The following RSPO2 variants were observed in gnomAD, a reference collection of about 807,000 sequenced individuals.
RSPO2 encodes R-spondin-2.
In RSPO2, 14 loss-of-function variants were observed where a neutral mutation model predicts 30.9. The observed-to-expected ratio is 0.45, with a 90% CI of 0.30 to 0.71. The LOEUF (loss-of-function observed/expected upper bound fraction) is 0.71. Ranked by LOEUF, RSPO2 falls within the 30% of genes least tolerant of loss-of-function variation. The probability of loss-of-function intolerance (pLI) is 0.08; values close to 1 mark genes in which losing one functional copy is unlikely to be tolerated. For missense variants in RSPO2, 264 were observed against 301.9 expected (o/e 0.87, Z 0.93); for synonymous variants, 107 against 96.4 (o/e 1.11, Z -0.64).
At chr8:107,965,701 G>A (rs1032906139) in intron 3 of RSPO2, among the ~76,000 whole-genome samples, 29 of 152,056 alleles carry the variant, frequency 1.9e-4, no homozygotes, top group African/African-American at 6.8e-4. Context: ...ACATGGTGGA[G>A]TTTTAATGCT....
At chr8:107,915,592 G>A (rs1292405907) in intron 5 of RSPO2, among the ~76,000 whole-genome samples, 2 of 151,578 alleles carry the variant, frequency 1.3e-5, no homozygotes, top group South Asian at 2.1e-4. Flanking sequence ...TATCCTTCTC[G>A]TCTTTGTGTG....
chr8:107,951,697 C>A (rs1456734083), intron 5 of RSPO2, among the ~76,000 whole-genome samples: 1 of 152,094 alleles, frequency 6.6e-6, no homozygotes, highest in Admixed American at 6.6e-5. Flanking sequence ...TAGAGAACAG[C>A]ACAAAGGTGT....
chr8:107,942,923 A>C (rs1023665119), intron 5 of RSPO2, among the ~76,000 whole-genome samples: 1 of 152,216 alleles, frequency 6.6e-6, no homozygotes, highest in African/African-American at 2.4e-5. Context: ...CAAATGCACT[A>C]ATTTTCTCAA....
chr8:107,982,285 ACTC>A (rs1245469314), intron 3 of RSPO2, among the ~76,000 whole-genome samples: 5 of 151,882 alleles, frequency 3.3e-5, no homozygotes, highest in African/African-American at 1.2e-4. Context: ...AAAAAAGTTT[ACTC>A]CTCCTTTTTC....
At chr8:108,070,428 G>C (rs1812808834) in intron 2 of RSPO2, among the ~76,000 whole-genome samples, 1 of 151,752 alleles carries the variant, frequency 6.6e-6, no homozygotes, top group African/African-American at 2.4e-5. Context: ...GAGTAGCTGG[G>C]ACTACAGGTG....
At chr8:108,060,020 A>T (rs59588081) in intron 2 of RSPO2, among the ~76,000 whole-genome samples, 7,953 of 144,250 alleles carry the variant, frequency 0.055, 790 homozygotes, top group African/African-American at 0.2. Context: ...AAATAAAATT[A>T]AAAAAAAAGA....
At chr8:108,070,580 T>C (rs1812815983) in intron 2 of RSPO2, among the ~76,000 whole-genome samples, 1 of 152,170 alleles carries the variant, frequency 6.6e-6, no homozygotes, top group Non-Finnish European at 1.5e-5. Flanking sequence ...TAAAGTAGTT[T>C]TGTTTAGTGT....
chr8:107,917,044 GTTT>G (rs1812004129), intron 5 of RSPO2, among the ~76,000 whole-genome samples: 1 of 152,164 alleles, frequency 6.6e-6, no homozygotes, highest in Non-Finnish European at 1.5e-5. Flanking sequence ...GTAATGAAAG[GTTT>G]TTGTTTGTTT....
intron 5 of RSPO2, among the ~76,000 whole-genome samples, chr8:107,944,326 TATC>T (rs1812988383): frequency 6.6e-6 from 1 of 152,226 alleles, no homozygotes; most frequent in Non-Finnish European, 1.5e-5. Context: ...CTGAGGTACA[TATC>T]ATGTGCTTAT....
intron 3 of RSPO2, among the ~76,000 whole-genome samples, chr8:107,977,211 C>T (rs180765611): frequency 6.6e-6 from 1 of 152,328 alleles, no homozygotes; most frequent in African/African-American, 2.4e-5. Flanking sequence ...TACTGAAACT[C>T]GTCTTCCATT....
At chr8:107,995,248 A>G (rs1327785766) in intron 2 of RSPO2, among the ~76,000 whole-genome samples, 1 of 152,122 alleles carries the variant, frequency 6.6e-6, no homozygotes. Flanking sequence ...TTCTCATTTA[A>G]TACTTTATTT....
chr8:107,922,752 GA>G (rs1381975659), intron 5 of RSPO2, among the ~76,000 whole-genome samples: 4 of 151,688 alleles, frequency 2.6e-5, no homozygotes, highest in Admixed American at 2.6e-4. Context: ...AACATACATG[GA>G]AAAATGGAAC....
intron 2 of RSPO2, among the ~76,000 whole-genome samples, chr8:108,051,045 T>TA (rs1465779054): frequency 2.0e-5 from 3 of 152,188 alleles, no homozygotes; most frequent in Non-Finnish European, 2.9e-5. Context: ...TGTAAGGATG[T>TA]ATGCAAGAGC....
At chr8:108,047,860 A>G (rs1811952959) in intron 2 of RSPO2, among the ~76,000 whole-genome samples, 1 of 151,692 alleles carries the variant, frequency 6.6e-6, no homozygotes, top group Non-Finnish European at 1.5e-5. Flanking sequence ...CAGGGAGAAA[A>G]AAAAAAAAAA....
intron 3 of RSPO2, among the ~76,000 whole-genome samples, chr8:107,966,692 C>T (rs1179838583): frequency 6.6e-6 from 1 of 152,168 alleles, no homozygotes; most frequent in African/African-American, 2.4e-5. Context: ...GACAGAGTTC[C>T]TTTTGTTTCT....
chr8:108,081,572 C>T (rs1013167674), intron 2 of RSPO2, among the ~76,000 whole-genome samples: 1 of 152,176 alleles, frequency 6.6e-6, no homozygotes, highest in African/African-American at 2.4e-5. Flanking sequence ...ATGTTTAAAT[C>T]CACCCAGAAA....
chr8:107,957,968 A>G (rs1470958542), intron 5 of RSPO2, 112 bp downstream of exon 5: 1 of 726,432 alleles, frequency 1.4e-6, no homozygotes, highest in Non-Finnish European at 2.3e-6. Flanking sequence ...CCTCACCAAT[A>G]TTATTGGGTT....
At chr8:107,978,879 C>T (rs1349135416) in intron 3 of RSPO2, among the ~76,000 whole-genome samples, 1 of 152,156 alleles carries the variant, frequency 6.6e-6, no homozygotes, top group African/African-American at 2.4e-5. Flanking sequence ...AGGATATGAA[C>T]AGACACTTCT....
chr8:107,995,866 T>C (rs1024221009), intron 2 of RSPO2, among the ~76,000 whole-genome samples: 2 of 152,148 alleles, frequency 1.3e-5, no homozygotes, highest in African/African-American at 4.8e-5. Context: ...ATTCTATTGC[T>C]CAATTTTCCT....
Sources: gnomAD v4.1 joint callset for allele counts (sites outside exome capture counted in the v4.1 genomes callset) on GRCh38, gnomAD v4.1.1 for gene constraint, MANE v1.5 for transcripts, NCBI Gene and HGNC (gene_info 2026-07-23, HGNC 2026-07-21) for gene names.